Variants in FNBP1 observed in about 807,000 individuals in gnomAD.
FNBP1 encodes the protein formin-binding protein 1.
FNBP1 carries 26 observed loss-of-function variants against 90.6 expected under a neutral mutation model. That is an observed-to-expected ratio of 0.29 (90% CI 0.21 to 0.40). The LOEUF is 0.40. Among genes scored for constraint, FNBP1 ranks in the 10% least tolerant of loss-of-function variants. FNBP1 has a pLI of 1.00. For missense variants in FNBP1, 635 were observed against 768.0 expected, an observed-to-expected ratio of 0.83 and a Z score of 2.05; for synonymous variants, 260 against 265.2, an observed-to-expected ratio of 0.98 and a Z score of 0.19.
chr9:129,985,360 AATG>A (rs1265093724), intron 2 of FNBP1, among the ~76,000 whole-genome samples: 1 of 152,014 alleles, frequency 6.6e-6, no homozygotes, highest in Non-Finnish European at 1.5e-5. Flanking sequence ...ATAAGGTGAG[AATG>A]ATGATGATGA....
intron 6 of FNBP1, among the ~76,000 whole-genome samples, chr9:129,948,873 C>T (rs1235511263): frequency 6.6e-6 from 1 of 151,882 alleles, no homozygotes; most frequent in African/African-American, 2.4e-5. Flanking sequence ...TTCAGAAGGA[C>T]ATACCTCAAG....
chr9:130,032,665 A>G (rs1228273928), intron 1 of FNBP1, among the ~76,000 whole-genome samples: 1 of 152,208 alleles, frequency 6.6e-6, no homozygotes, highest in Non-Finnish European at 1.5e-5. Flanking sequence ...GCTGATAGGC[A>G]GAATAATTCA....
chr9:129,932,513 T>A (rs959570444), intron 6 of FNBP1, among the ~76,000 whole-genome samples: 1 of 152,200 alleles, frequency 6.6e-6, no homozygotes, highest in Admixed American at 6.5e-5. Flanking sequence ...CTTCCCTTAT[T>A]TTCTTCCCTA....
At chr9:129,895,515 T>C (rs1230460006) in intron 16 of FNBP1, 2 of 1,202,756 alleles carry the variant, frequency 1.7e-6, no homozygotes, top group Non-Finnish European at 2.1e-6. Context: ...GAAGCTACAA[T>C]GCAACTTTTT....
At chr9:130,001,463 G>T (rs115208378) in intron 1 of FNBP1, among the ~76,000 whole-genome samples, 1 of 152,082 alleles carries the variant, frequency 6.6e-6, no homozygotes, top group South Asian at 2.1e-4. Flanking sequence ...ATGTCAACAC[G>T]GTTAAAAAGA....
chr9:130,052,437 AT>A, the FNBP1 span, among the ~76,000 whole-genome samples: 1 of 148,790 alleles, frequency 6.7e-6, no homozygotes. Context: ...TTCTTACCTG[AT>A]TTTTTTTTTA....
chr9:130,008,240 T>C (rs1054294701), intron 1 of FNBP1, among the ~76,000 whole-genome samples: 6 of 151,660 alleles, frequency 4.0e-5, no homozygotes, highest in Middle Eastern at 3.4e-3. Context: ...GTCCCACTAC[T>C]TGGGAGGCTG....
intron 15 of FNBP1, among the ~76,000 whole-genome samples, chr9:129,896,514 G>C (rs954902238): frequency 6.6e-6 from 1 of 152,252 alleles, no homozygotes; most frequent in East Asian, 1.9e-4. Flanking sequence ...CTCCCGAGCA[G>C]CTGAGACTAT....
chr9:130,021,566 A>G (rs1337059742), intron 1 of FNBP1, among the ~76,000 whole-genome samples: 2 of 152,186 alleles, frequency 1.3e-5, no homozygotes, highest in Admixed American at 1.3e-4. Context: ...ACAATTTCCA[A>G]TTAATTATTT....
intron 1 of FNBP1, among the ~76,000 whole-genome samples, chr9:130,030,227 G>A (rs2058683542): frequency 6.6e-6 from 1 of 152,048 alleles, no homozygotes; most frequent in South Asian, 2.1e-4. Flanking sequence ...TTGAGGTCAG[G>A]GGTTCAAGAC....
intron 6 of FNBP1, among the ~76,000 whole-genome samples, chr9:129,932,283 A>T (rs944409362): frequency 4.6e-5 from 7 of 152,178 alleles, no homozygotes; most frequent in Non-Finnish European, 8.8e-5. Context: ...AGAGAGAAAG[A>T]AAAAGGAAGG....
At chr9:130,022,466 C>T (rs975541541) in intron 1 of FNBP1, among the ~76,000 whole-genome samples, 4 of 152,186 alleles carry the variant, frequency 2.6e-5, no homozygotes, top group Admixed American at 6.5e-5. Context: ...CTCGGCCTTC[C>T]GAAGTGCTGG....
chr9:130,007,905 A>G (rs2056004967), intron 1 of FNBP1, among the ~76,000 whole-genome samples: 1 of 150,472 alleles, frequency 6.6e-6, no homozygotes, highest in Non-Finnish European at 1.5e-5. Flanking sequence ...AATCCCAGCT[A>G]TTCAGGAACT....
rs1023587717 is a variant in FNBP1, at chr9:129,966,562, C to G, written c.346-8009G>C. 1.8e-4 allele frequency among the ~76,000 whole-genome samples: 27 copies of G among 152,166 alleles called. No individual in the cohort carries two copies. Among genetic ancestry groups the G allele is most frequent in the Admixed American group, 3.3e-4 (5 of 15,274 alleles). On this transcript the variant is annotated intron_variant, in intron 4 of 16. Transcript: ENST00000446176. The surrounding 1 kb of genome is among the most constrained non-coding windows in gnomAD (Gnocchi z 4.3). Reference sequence around the variant, plus strand: ...TGGCCAACATGATGAAATGCCGTCTCTACTAAAAATACAAAAAAAATTAGC... The same window carrying G: ...TGGCCAACATGATGAAATGCCGTCTGTACTAAAAATACAAAAAAAATTAGC...
intron 6 of FNBP1, among the ~76,000 whole-genome samples, chr9:129,956,052 C>T (rs1476871653): frequency 6.6e-6 from 1 of 152,132 alleles, no homozygotes; most frequent in East Asian, 1.9e-4. Flanking sequence ...CACTCCCCTG[C>T]TCCTGAGATG....
At position 129,929,582 on chromosome 9, in the gene FNBP1, G is replaced by C; in HGVS notation, c.627C>G (p.Ile209Met). Residue 209 changes from isoleucine (I) to methionine (M), a missense_variant, in exon 7 of 17, where the codon ATC becomes ATG. Physicochemically the swap from Ile to Met is conservative, Grantham distance 10 (BLOSUM62 1). Coordinates refer to ENST00000446176, the MANE Select transcript of FNBP1 (RefSeq NM_015033.3). Reference protein sequence around the residue: ...HEQHEYYHTHIPNIFQKIQEM... With the variant: ...HEQHEYYHTHMPNIFQKIQEM... ...CAGGACTTACCTGGAAGATGTTGGG[G>C]ATGTGAGTATGGTAATATTCATGCT... The C allele has an allele frequency of 6.2e-7, 1 of 1,613,690 alleles. No homozygotes were observed. Among genetic ancestry groups the C allele is most frequent in the Non-Finnish European group, 8.5e-7 (1 of 1,179,680 alleles).
Position 130,040,999 on chromosome 9 carries a change from C to CT in FNBP1, c.24+1952dup, listed in dbSNP as rs1296019494. Among the ~76,000 whole-genome samples, 39 of 137,456 alleles carry CT rather than the reference C, an allele frequency of 2.8e-4. 1 individual carries two copies. The Middle Eastern group carries it at 0.011, about 39-fold the overall frequency. The allele number at this position is 137,456 out of a possible 152,430, so 90.2% of individuals were successfully genotyped here. A position where few individuals can be genotyped will look rare whatever the true frequency, so the allele number is the denominator to read the frequency against. Reference sequence around the variant, plus strand: ...ATTATTTTTTTCTTTTTTCTTTTTTCTTTTCTTTTTTTTTTTTTTAAGAGG... The same window carrying CT: ...ATTATTTTTTTCTTTTTTCTTTTTTCTTTTTCTTTTTTTTTTTTTTAAGAGG... On this transcript the variant is annotated intron_variant, in intron 1 of 16. Coordinates refer to ENST00000446176, the MANE Select transcript of FNBP1 (RefSeq NM_015033.3).
At chr9:130,053,534 G>C in the FNBP1 span, 1 of 211,556 alleles carries the variant, frequency 4.7e-6, no homozygotes, top group Non-Finnish European at 9.6e-6. Context: ...TCAACGCTCA[G>C]TGAAATCAGT....
chr9:130,012,983 G>C (rs1446025648), intron 1 of FNBP1, among the ~76,000 whole-genome samples: 1 of 151,846 alleles, frequency 6.6e-6, no homozygotes, highest in Admixed American at 6.6e-5. Flanking sequence ...ACACCATAAT[G>C]AAAAAAGTCA....
Sources: gnomAD v4.1 joint callset for allele counts (sites outside exome capture counted in the v4.1 genomes callset) on GRCh38, gnomAD v4.1.1 for gene constraint, Gnocchi (gnomAD v3.1) non-coding constraint, MANE v1.5 for transcripts, NCBI Gene and HGNC (gene_info 2026-07-23, HGNC 2026-07-21) for gene names.